The following PAFAH2 variants were observed in gnomAD, a reference collection of about 807,000 sequenced individuals.
PAFAH2 encodes the protein platelet activating factor acetylhydrolase 2.
A neutral mutation model predicts 49.0 loss-of-function variants in PAFAH2; 42 were observed. The ratio of observed to expected loss-of-function variants is 0.86; its 90% CI spans 0.67 to 1.11. The LOEUF is 1.11. PAFAH2 is among the 50% of genes least tolerant of loss of function. The probability of loss-of-function intolerance (pLI) is 0.00; values close to 1 mark genes in which losing one functional copy is unlikely to be tolerated. For missense variants in PAFAH2, 503 were observed against 501.8 expected (o/e 1.00, Z -0.02); for synonymous variants, 184 against 181.3 (o/e 1.01, Z -0.12).
intron 6 of PAFAH2, 111 bp from the exon 7 acceptor site, chr1:25,982,588 C>A (rs1243297599): frequency 6.6e-6 from 5 of 763,090 alleles, no homozygotes; most frequent in Non-Finnish European, 8.7e-6. Flanking sequence ...CCCACCCACG[C>A]CTCAGCAAGC....
chr1:25,984,845 C>CTTTTTT (rs34522205), intron 4 of PAFAH2, among the ~76,000 whole-genome samples: 6 of 104,266 alleles, frequency 5.8e-5, no homozygotes, highest in South Asian at 6.7e-4. Flanking sequence ...AGAGAGATTT[C>CTTTTTT]TTTTTTTTTT....
At position 25,972,600 on chromosome 1, in the gene PAFAH2, C is replaced by T. The variant is rs2049525743; in HGVS notation, c.1042G>A (p.Val348Ile). The T allele has an allele frequency of 6.2e-7, 1 of 1,613,838 alleles. No individual in the cohort carries two copies. Among genetic ancestry groups the T allele is most frequent in the South Asian group, 1.1e-5 (1 of 91,082 alleles). ...AAGGCCAACATGGCCCGTACCATAA[C>T]CTCCTGCCCTTCATAGGGGTCCAGG... is the stretch of plus-strand genomic sequence containing the variant. ...GSLDPYEGQE[V>I]MVRAMLAFLQ... is the part of the protein sequence containing the mutation. Residue 348 changes from valine (V) to isoleucine (I), a missense_variant, in exon 10 of 11, where the codon GTT (valine) becomes ATT (isoleucine). By Grantham distance (29) the Val-to-Ile change is conservative. Transcript: ENST00000374282.
Position 25,990,820 on chromosome 1 carries a change from A to G in PAFAH2, c.-4T>C. On this transcript the variant is annotated 5_prime_UTR_variant, in exon 2 of 11. It removes an upstream start codon present in the reference 5' UTR. Coordinates refer to ENST00000374282, the MANE Select transcript of PAFAH2 (RefSeq NM_000437.4). Reference sequence around the variant, plus strand: ...CCACAGACTGGTTGACCCCCATTTCATCACCGGGTGAATCAAATGACTTGC... The same window carrying G: ...CCACAGACTGGTTGACCCCCATTTCGTCACCGGGTGAATCAAATGACTTGC... 6.2e-7 allele frequency: 1 copy of G among 1,613,332 alleles called. No homozygotes were observed. The highest frequency in any genetic ancestry group is 8.5e-7 in the Non-Finnish European group (1 of 1,179,334).
At chr1:25,997,418 C>T (rs913281970) in intron 1 of PAFAH2, 2 of 152,244 alleles carry the variant, frequency 1.3e-5, no homozygotes, top group Admixed American at 1.3e-4. Flanking sequence ...TTCACACATA[C>T]TAGCTTGTTG....
Position 25,984,528 on chromosome 1 carries a change from C to T in PAFAH2, c.342G>A (p.Arg114=). The T allele has an allele frequency of 6.2e-7, 1 of 1,613,208 alleles. No individual in the cohort carries two copies. Among genetic ancestry groups the T allele is most frequent in the Non-Finnish European group, 8.5e-7 (1 of 1,179,344 alleles). ...IIFSHGLGAF[R]TLYSAFCMEL... ...CCATGCAGAAGGCTGAATACAAAGT[C>T]CTGGAGATTCAAAAAGGAACAAGGA... is the stretch of plus-strand genomic sequence containing the variant. The change falls in exon 5 of 11, where the codon AGG becomes AGA. Residue 114 remains arginine (R), a splice_region_variant and synonymous_variant. Transcript: ENST00000374282.
intron 10 of PAFAH2, among the ~76,000 whole-genome samples, chr1:25,967,399 G>A (rs2049443152): frequency 1.3e-5 from 2 of 152,186 alleles, no homozygotes; most frequent in Admixed American, 6.5e-5. Flanking sequence ...CCCCAGCATG[G>A]AGTTGGCACG....
Position 25,974,619 on chromosome 1 carries a change from G to C in PAFAH2, c.790C>G (p.Pro264Ala). The change falls in exon 9 of 11, where the codon CCT becomes GCT. Residue 264 changes from proline (P) to alanine (A), a missense_variant. Pro to Ala is a conservative substitution (Grantham distance 27). Transcript: ENST00000374282. ...CAVALDAWMF[P>A]LERDFYPKAR... is the part of the protein sequence containing the mutation. ...TTGGGGTAAAAGTCACGTTCCAGAG[G>C]AAACATCCAAGCATCCAGAGCCACC... 2 of 1,614,048 alleles carry C rather than the reference G, an allele frequency of 1.2e-6. No homozygotes were observed. The highest frequency in any genetic ancestry group is 1.7e-6 in the Non-Finnish European group (2 of 1,179,964).
At chr1:25,986,758 C>T (rs1345082930) in intron 4 of PAFAH2, among the ~76,000 whole-genome samples, 3 of 151,802 alleles carry the variant, frequency 2.0e-5, no homozygotes, top group Admixed American at 1.3e-4. Context: ...CTCGAACTCC[C>T]AACCTCAGGT....
At chr1:25,991,801 G>A (rs1356165303) in intron 1 of PAFAH2, among the ~76,000 whole-genome samples, 3 of 152,060 alleles carry the variant, frequency 2.0e-5, no homozygotes, top group Non-Finnish European at 4.4e-5. Flanking sequence ...GCTGAGGCAA[G>A]AGAATCGCTT....
rs369523693 is a variant in PAFAH2 at position 25,982,364 on chromosome 1, C to T, written c.666G>A (p.Lys222=). ...LPGGLDLMTL[K]GNIDMSRVAV... The stretch of plus-strand genomic sequence containing the variant: ...TAGGTCATACCAATTGCTTCCATAC[C>T]TTCAAAGTCATCAGATCCAAGCCAC... The change falls in exon 7 of 11, where the codon AAG becomes AAA. Residue 222 remains lysine, a splice_region_variant and synonymous_variant. Coordinates refer to ENST00000374282, the MANE Select transcript of PAFAH2 (RefSeq NM_000437.4). The T allele has an allele frequency of 1.4e-5, 22 of 1,611,320 alleles. No individual in the cohort carries two copies. The African/African-American group carries it at 2.9e-4, about 22-fold the overall frequency.
intron 7 of PAFAH2, among the ~76,000 whole-genome samples, chr1:25,977,168 G>GC: frequency 6.6e-6 from 1 of 150,676 alleles, no homozygotes; most frequent in East Asian, 2.0e-4. Flanking sequence ...GACTACAGGC[G>GC]CCCGCTACCA....
intron 4 of PAFAH2, 102 bp downstream of exon 4, chr1:25,988,129 C>T: frequency 1.4e-6 from 1 of 719,884 alleles, no homozygotes; most frequent in East Asian, 2.8e-5. Flanking sequence ...AGACAGCTAG[C>T]AGATGGAAAT....
At chr1:25,997,284 A>ATGAGAT (rs2124378224) in intron 1 of PAFAH2, among the ~76,000 whole-genome samples, 1 of 152,348 alleles carries the variant, frequency 6.6e-6, no homozygotes, top group South Asian at 2.1e-4. Context: ...CACTCGAGGG[A>ATGAGAT]TGAGATTGAG....
intron 10 of PAFAH2, among the ~76,000 whole-genome samples, chr1:25,967,364 G>A (rs537609695): frequency 1.3e-5 from 2 of 152,218 alleles, no homozygotes; most frequent in Non-Finnish European, 1.5e-5. Flanking sequence ...ACTAAGTAGA[G>A]TTGGGGAGCA....
intron 3 of PAFAH2, among the ~76,000 whole-genome samples, chr1:25,988,806 CAAAAAAAAA>C (rs59169423): frequency 2.8e-4 from 15 of 54,350 alleles, no homozygotes; most frequent in South Asian, 1.7e-3. Flanking sequence ...TCCATCTCAC[CAAAAAAAAA>C]AAAAAAAAAA....
chr1:25,996,113 T>C (rs933791754), intron 1 of PAFAH2, among the ~76,000 whole-genome samples: 1 of 151,994 alleles, frequency 6.6e-6, no homozygotes, highest in African/African-American at 2.4e-5. Flanking sequence ...CCCAGAACTT[T>C]GGGAGATCAA....
chr1:25,972,803 T>A, intron 9 of PAFAH2, 91 bp from the exon 10 acceptor site: 1 of 1,280,126 alleles, frequency 7.8e-7, no homozygotes, highest in Non-Finnish European at 1.1e-6. Flanking sequence ...GTGCTTTTCA[T>A]GTATTATCAC....
intron 9 of PAFAH2, among the ~76,000 whole-genome samples, chr1:25,973,676 C>G (rs912327085): frequency 2.0e-5 from 3 of 152,166 alleles, no homozygotes; most frequent in Admixed American, 2.0e-4. Flanking sequence ...AGGGAAGAAG[C>G]CACTGGCCAT....
chr1:25,989,629 A>G, intron 2 of PAFAH2, 28 bp from the exon 3 acceptor site: 3 of 1,461,096 alleles, frequency 2.1e-6, no homozygotes, highest in South Asian at 2.8e-5. Context: ...GCAGCTGCTC[A>G]GAGCAAGGAG....
Sources: gnomAD v4.1 joint callset for allele counts (sites outside exome capture counted in the v4.1 genomes callset) on GRCh38, gnomAD v4.1.1 for gene constraint, MANE v1.5 for transcripts, NCBI Gene and HGNC (gene_info 2026-07-23, HGNC 2026-07-21) for gene names.